The following DOCK11 variants were observed in gnomAD, a reference collection of about 807,000 sequenced individuals.
DOCK11 encodes dedicator of cytokinesis protein 11.
In DOCK11, 70 loss-of-function variants were observed where a neutral mutation model predicts 169.1. That is an observed-to-expected ratio of 0.41 (90% CI 0.34 to 0.51). DOCK11 has a LOEUF of 0.51. Ranked by LOEUF, DOCK11 falls within the 20% of genes least tolerant of loss-of-function variation. The pLI, the probability that DOCK11 is intolerant of heterozygous loss-of-function variation, is 0.10. For synonymous variants in DOCK11, 529 were observed against 541.3 expected (o/e 0.98, Z 0.32); for missense variants, 1,166 against 1,538.8 (o/e 0.76, Z 4.05).
rs148437194 is a variant in DOCK11 at position 118,617,936 on chromosome X, A to C, written c.3293-614A>C. 4.2e-3 allele frequency among the ~76,000 whole-genome samples: 471 copies of C among 111,797 alleles called. 13 individuals carry two copies. The highest frequency in any genetic ancestry group is 0.031 in the South Asian group (84 of 2,676). ...GGATCTTAAAGGAAGGGAAAGACTTAGTTCGAAGTGATTATTTTCTGATAT... is the reference window on the plus strand; with the variant it reads ...GGATCTTAAAGGAAGGGAAAGACTTCGTTCGAAGTGATTATTTTCTGATAT... On this transcript the variant is annotated intron_variant, in intron 30 of 52. Transcript: ENST00000276202.
intron 14 of DOCK11, among the ~76,000 whole-genome samples, chrX:118,583,935 C>G (rs2147411262): frequency 9.0e-6 from 1 of 110,587 alleles, no homozygotes; most frequent in African/African-American, 3.3e-5. Context: ...TTCTTTTTTC[C>G]AAATATTTTT....
chrX:118,612,775 G>A (rs2014715578), intron 28 of DOCK11, among the ~76,000 whole-genome samples: 1 of 111,870 alleles, frequency 8.9e-6, no homozygotes, highest in Non-Finnish European at 1.9e-5. Context: ...GTTCAGGGAC[G>A]AGTGAAAAGT....
intron 50 of DOCK11, 89 bp from the exon 51 acceptor site, chrX:118,681,605 G>T: frequency 1.6e-6 from 1 of 629,396 alleles, no homozygotes. Context: ...TGTATATTTT[G>T]GGATTTTTAA....
intron 32 of DOCK11, among the ~76,000 whole-genome samples, chrX:118,626,647 G>A (rs948327440): frequency 2.7e-5 from 3 of 111,426 alleles, no homozygotes; most frequent in African/African-American, 6.5e-5. Context: ...TGCCTGTCCT[G>A]TGTTCCTGAG....
intron 45 of DOCK11, among the ~76,000 whole-genome samples, chrX:118,663,780 T>G (rs1036995822): frequency 5.6e-5 from 6 of 106,375 alleles, no homozygotes; most frequent in Non-Finnish European, 1.2e-4. Flanking sequence ...GTTCAAGTGA[T>G]TCTCCTGCCT....
intron 40 of DOCK11, among the ~76,000 whole-genome samples, chrX:118,647,782 ATATAATATAT>A (rs2015762539): frequency 3.1e-5 from 1 of 32,329 alleles, no homozygotes; most frequent in East Asian, 7.2e-4. Context: ...ATATAATAAT[ATATAATATAT>A]TATAATATAT....
At chrX:118,536,187 A>G (rs1361067917) in intron 1 of DOCK11, among the ~76,000 whole-genome samples, 1 of 110,575 alleles carries the variant, frequency 9.0e-6, no homozygotes, top group South Asian at 3.9e-4. Context: ...AGTCCCAGCT[A>G]CTTGGGAGGC....
At chrX:118,544,147 T>C (rs2012150698) in intron 4 of DOCK11, among the ~76,000 whole-genome samples, 2 of 112,296 alleles carry the variant, frequency 1.8e-5, no homozygotes, top group South Asian at 7.4e-4. Flanking sequence ...AACTAAAATA[T>C]AGCTGATGAT....
chrX:118,647,538 ATATTATATATGT>A (rs1436165769), intron 40 of DOCK11, among the ~76,000 whole-genome samples: 769 of 74,313 alleles, frequency 0.01, 9 homozygotes, highest in Non-Finnish European at 0.016. Context: ...ATAATATTAT[ATATTATATATGT>A]TATTATATAT....
intron 3 of DOCK11, among the ~76,000 whole-genome samples, chrX:118,543,273 C>T (rs2012100160): frequency 9.0e-6 from 1 of 111,390 alleles, no homozygotes; most frequent in African/African-American, 3.3e-5. Context: ...TTAGTGTTTT[C>T]CTTTTGGATT....
intron 51 of DOCK11, 90 bp downstream of exon 51, chrX:118,681,884 C>A: frequency 3.1e-6 from 2 of 651,486 alleles, no homozygotes; most frequent in Non-Finnish European, 4.5e-6. Context: ...CCAAATAATA[C>A]CCTTCCAAAA....
chrX:118,556,757 C>CG (rs893552713), intron 6 of DOCK11, among the ~76,000 whole-genome samples: 1 of 80,873 alleles, frequency 1.2e-5, no homozygotes, highest in Non-Finnish European at 2.5e-5. Flanking sequence ...GCTCTGTCTC[C>CG]GGAAAAAAAA....
Position 118,511,654 on chromosome X carries a change from A to G in DOCK11, c.102+15581A>G, listed in dbSNP as rs762889654. On this transcript the variant is annotated intron_variant, in intron 1 of 52. Coordinates refer to ENST00000276202, the MANE Select transcript of DOCK11 (RefSeq NM_144658.4). ...CTTCTGGGTACTGTGCATTAGGTCA[A>G]TGAGCTTCATGACAGAGTTGACGCC... Among the ~76,000 whole-genome samples, 48 of 111,460 alleles carry G rather than the reference A, an allele frequency of 4.3e-4. 1 individual carries two copies. Among genetic ancestry groups the G allele is most frequent in the African/African-American group, 1.5e-3 (46 of 30,668 alleles).
At chrX:118,511,723 A>T (rs966832289) in intron 1 of DOCK11, among the ~76,000 whole-genome samples, 2 of 110,831 alleles carry the variant, frequency 1.8e-5, no homozygotes, top group South Asian at 7.6e-4. Context: ...CAGCAGAAGG[A>T]ACTAGAAAGG....
At position 118,649,124 on chromosome X, in the gene DOCK11, A is replaced by G. The variant is rs61735031; in HGVS notation, c.4578A>G (p.Leu1526=). 742 of 1,174,794 alleles carry G rather than the reference A, an allele frequency of 6.3e-4. 2 individuals carry two copies. Among genetic ancestry groups the G allele is most frequent in the Non-Finnish European group, 8.0e-4 (700 of 880,373 alleles). The part of the protein sequence containing the change: ...TKRKTFLRTH[L]QIIIAVSQLI... ...GGAAAACCTTTTTGAGGACACATCT[A>G]CAGGTCAGTGAAAATAAAAGCGCCT... The change falls in exon 41 of 53, where the codon CTA becomes CTG. Residue 1526 remains leucine, a synonymous_variant. Coordinates refer to ENST00000276202, the MANE Select transcript of DOCK11 (RefSeq NM_144658.4).
At chrX:118,521,194 T>A (rs1182532307) in intron 1 of DOCK11, among the ~76,000 whole-genome samples, 1 of 112,475 alleles carries the variant, frequency 8.9e-6, no homozygotes, top group Non-Finnish European at 1.9e-5. Flanking sequence ...AGCTCTGGTG[T>A]CCACTTCTGA....
At chrX:118,592,277 C>T (rs1470248846) in intron 19 of DOCK11, among the ~76,000 whole-genome samples, 1 of 100,298 alleles carries the variant, frequency 1.0e-5, no homozygotes, top group African/African-American at 3.6e-5. Flanking sequence ...TATTTCTCCA[C>T]ATCCTCTCCA....
At chrX:118,618,239 T>C (rs2014873931) in intron 30 of DOCK11, among the ~76,000 whole-genome samples, 2 of 111,967 alleles carry the variant, frequency 1.8e-5, no homozygotes, top group South Asian at 7.3e-4. Flanking sequence ...AAATATATAA[T>C]TATTTTATTG....
chrX:118,611,980 A>G (rs1446400330), intron 28 of DOCK11, among the ~76,000 whole-genome samples: 1 of 112,159 alleles, frequency 8.9e-6, no homozygotes, highest in Non-Finnish European at 1.9e-5. Flanking sequence ...CCTGACTTCA[A>G]GTGATCTGCC....
Sources: gnomAD v4.1 joint callset for allele counts (sites outside exome capture counted in the v4.1 genomes callset) on GRCh38, gnomAD v4.1.1 for gene constraint, MANE v1.5 for transcripts, NCBI Gene and HGNC (gene_info 2026-07-23, HGNC 2026-07-21) for gene names.